GALNT11: variants seen among roughly 807,000 people sequenced by gnomAD.
The protein encoded by GALNT11 is UDP-GalNAc:polypeptide N-acetylgalactosaminyltransferase 11.
Under a neutral mutation model 72.7 loss-of-function variants are expected in GALNT11, and 47 were observed. The ratio of observed to expected loss-of-function variants is 0.65; its 90% CI spans 0.51 to 0.82. The LOEUF (loss-of-function observed/expected upper bound fraction) is 0.82. GALNT11 is among the 40% of genes least tolerant of loss of function. The pLI, the probability that GALNT11 is intolerant of heterozygous loss-of-function variation, is 0.00. For synonymous variants in GALNT11, 270 were observed against 286.6 expected, an observed-to-expected ratio of 0.94 and a Z score of 0.58; for missense variants, 677 against 778.4, an observed-to-expected ratio of 0.87 and a Z score of 1.55.
chr7:152,099,342 T>A lies in GALNT11; in HGVS notation c.296-1456T>A, dbSNP rs570591329. ...GTTCTACTATTTTTTAAAAATGGAC[T>A]TTTATTTATTTATTTATTTATTTAT... On this transcript the variant is annotated intron_variant, in intron 2 of 11. Transcript: ENST00000430044. Among the ~76,000 whole-genome samples, 18 of 143,638 alleles carry A rather than the reference T, an allele frequency of 1.3e-4. No homozygotes were observed. The East Asian group carries it at 2.4e-3, about 19-fold the overall frequency. 94.2% of individuals were successfully genotyped at this position (143,638 alleles called of 152,430 possible).
chr7:152,050,538 A>G (rs2083343270), intron 1 of GALNT11, among the ~76,000 whole-genome samples: 1 of 152,050 alleles, frequency 6.6e-6, no homozygotes, highest in South Asian at 2.1e-4. Context: ...CCTTTCCTCA[A>G]GTGGAAGGAA....
At chr7:152,091,539 C>A (rs2086041346) in intron 1 of GALNT11, among the ~76,000 whole-genome samples, 1 of 151,898 alleles carries the variant, frequency 6.6e-6, no homozygotes, top group African/African-American at 2.4e-5. Flanking sequence ...CGCGCCCGGC[C>A]CTAATTTTTT....
chr7:152,025,892 C>T lies in GALNT11; in HGVS notation c.-39+8C>T. ...TGGGCTGCGGGCAAGGCGGTGAGTA[C>T]CCTCTAGGCGGCGGCCTCCCGGCGT... On this transcript the variant is annotated splice_region_variant and intron_variant, in intron 1 of 11. Transcript: ENST00000430044. 2 of 249,644 alleles carry T rather than the reference C, an allele frequency of 8.0e-6. No homozygotes were observed. The highest frequency in any genetic ancestry group is 1.7e-5 in the Non-Finnish European group (2 of 116,284). The allele number at this position is 249,644 out of a possible 1,614,324, so 15.5% of individuals were successfully genotyped here.
chr7:152,034,492 G>T (rs895942638), intron 1 of GALNT11, among the ~76,000 whole-genome samples: 2 of 152,106 alleles, frequency 1.3e-5, no homozygotes, highest in African/African-American at 4.8e-5. Context: ...TCTTTTTCAG[G>T]GTTTGCGGGT....
intron 1 of GALNT11, among the ~76,000 whole-genome samples, chr7:152,065,716 T>C (rs1001330084): frequency 6.6e-6 from 1 of 152,212 alleles, no homozygotes; most frequent in Non-Finnish European, 1.5e-5. Context: ...CTCCAGACCC[T>C]GTTTGCCTGG....
rs371042719 is a variant in GALNT11 at position 152,055,576 on chromosome 7, C to CAT, written c.-39+29704_-39+29705dup. Among the ~76,000 whole-genome samples, 1,047 of 119,450 alleles carry CAT rather than the reference C, an allele frequency of 8.8e-3. 16 individuals carry two copies. The highest frequency in any genetic ancestry group is 0.027 in the African/African-American group (941 of 34,810). The allele number at this position is 119,450 out of a possible 152,430, so 78.4% of individuals were successfully genotyped here. A position where few individuals can be genotyped will look rare whatever the true frequency, so the allele number is the denominator to read the frequency against. The stretch of plus-strand genomic sequence containing the variant: ...GTGTGTGTGTGTGTGTGTATATATA[C>CAT]ATATATATATATACACACAAAGTAC... On this transcript the variant is annotated intron_variant, in intron 1 of 11. Coordinates refer to ENST00000430044, the MANE Select transcript of GALNT11 (RefSeq NM_022087.4).
chr7:152,093,336 T>C (rs1280831587), intron 1 of GALNT11, among the ~76,000 whole-genome samples: 1 of 152,230 alleles, frequency 6.6e-6, no homozygotes, highest in African/African-American at 2.4e-5. Context: ...TTGAACTCTT[T>C]ATTTGAAAAT....
chr7:152,071,032 G>C (rs1197694243), intron 1 of GALNT11, among the ~76,000 whole-genome samples: 1 of 150,994 alleles, frequency 6.6e-6, no homozygotes, highest in Admixed American at 6.6e-5. Flanking sequence ...CAAGGTAATA[G>C]AATATCACAA....
rs1374601853 is a variant in GALNT11, at chr7:152,117,226, C to T, written c.1303C>T (p.Leu435=). Reference sequence around the variant, plus strand: ...TGGCAATATCAGTGAGCGTGTGGAACTGAGAAAGAAGTTGGGCTGTAAATC... The same window carrying T: ...TGGCAATATCAGTGAGCGTGTGGAATTGAGAAAGAAGTTGGGCTGTAAATC... The part of the protein sequence containing the change: ...SYGNISERVE[L]RKKLGCKSFK... Residue 435 remains leucine (L), a synonymous_variant, in exon 9 of 12, where the codon CTG becomes TTG. Coordinates refer to ENST00000430044, the MANE Select transcript of GALNT11 (RefSeq NM_022087.4). The T allele has an allele frequency of 2.5e-6, 4 of 1,614,024 alleles. No individual in the cohort carries two copies. In the Admixed American group the frequency reaches 6.7e-5, roughly 27 times the overall value.
At chr7:152,057,773 A>G (rs1407206645) in intron 1 of GALNT11, among the ~76,000 whole-genome samples, 1 of 152,188 alleles carries the variant, frequency 6.6e-6, no homozygotes, top group Non-Finnish European at 1.5e-5. Flanking sequence ...AACATCTTAC[A>G]TTAATATGGT....
At chr7:152,053,142 C>T (rs1349637273) in intron 1 of GALNT11, among the ~76,000 whole-genome samples, 1 of 152,178 alleles carries the variant, frequency 6.6e-6, no homozygotes, top group Non-Finnish European at 1.5e-5. Flanking sequence ...AAATCATTTT[C>T]CACACAGCTG....
Position 152,025,896 on chromosome 7 carries a change from C to T in GALNT11, c.-39+12C>T. The T allele has an allele frequency of 4.1e-6, 1 of 246,030 alleles. No individual in the cohort carries two copies. Among genetic ancestry groups the T allele is most frequent in the Non-Finnish European group, 8.8e-6 (1 of 114,224 alleles). 15.2% of individuals were successfully genotyped at this position (246,030 alleles called of 1,614,324 possible). A position where few individuals can be genotyped will look rare whatever the true frequency, so the allele number is the denominator to read the frequency against. ...CTGCGGGCAAGGCGGTGAGTACCCT[C>T]TAGGCGGCGGCCTCCCGGCGTCCCT... On this transcript the variant is annotated intron_variant, in intron 1 of 11. Coordinates refer to ENST00000430044, the MANE Select transcript of GALNT11 (RefSeq NM_022087.4).
chr7:152,071,193 G>A (rs1316635193), intron 1 of GALNT11, among the ~76,000 whole-genome samples: 5 of 152,250 alleles, frequency 3.3e-5, no homozygotes, highest in Non-Finnish European at 5.9e-5. Flanking sequence ...TTATTAGGCA[G>A]GAATTTCCTC....
At chr7:152,110,873 G>A (rs1463335235) in intron 7 of GALNT11, among the ~76,000 whole-genome samples, 1 of 151,774 alleles carries the variant, frequency 6.6e-6, no homozygotes, top group East Asian at 1.9e-4. Context: ...TGGGACTACA[G>A]GCATGTGCCT....
chr7:152,084,523 G>C (rs1483660752), intron 1 of GALNT11, among the ~76,000 whole-genome samples: 1 of 151,646 alleles, frequency 6.6e-6, no homozygotes, highest in Non-Finnish European at 1.5e-5. Context: ...GGAAGACTTC[G>C]TACTTTTGTT....
Position 152,094,142 on chromosome 7 carries a change from G to C in GALNT11, c.-38-48G>C. 1 of 1,426,840 alleles carries C rather than the reference G, an allele frequency of 7.0e-7. No individual in the cohort carries two copies. The highest frequency in any genetic ancestry group is 2.3e-5 in the Admixed American group (1 of 43,512). The allele number at this position is 1,426,840 out of a possible 1,614,324, so 88.4% of individuals were successfully genotyped here. On this transcript the variant is annotated intron_variant, in intron 1 of 11. Coordinates refer to ENST00000430044, the MANE Select transcript of GALNT11 (RefSeq NM_022087.4). This position sits in a 1 kb window ranked among gnomAD's most constrained non-coding sequence, Gnocchi z 4.3. The stretch of plus-strand genomic sequence containing the variant: ...AACAGTGATTCTGTATTTGGTGGAT[G>C]GTTTAAAGTATACTGAAGTGTCTAA...
intron 1 of GALNT11, among the ~76,000 whole-genome samples, chr7:152,034,349 T>C (rs985967352): frequency 5.3e-5 from 8 of 152,182 alleles, no homozygotes; most frequent in African/African-American, 1.9e-4. Context: ...TTTCACTCCA[T>C]TTGCCTTCCC....
rs1587397175 is a variant in GALNT11, at chr7:152,105,102, CTT to C, written c.587-140_587-139del. 3.4e-6 allele frequency: 3 copies of C among 870,020 alleles called. No individual in the cohort carries two copies. In the South Asian group the frequency reaches 6.2e-5, roughly 18 times the overall value. 53.9% of individuals were successfully genotyped at this position (870,020 alleles called of 1,614,324 possible). On this transcript the variant is annotated intron_variant, in intron 4 of 11. Transcript: ENST00000430044. ...TTCCTACAGGATAAGCTACAATACT[CTT>C]TTAAAGTAAAATATTCTGTAGTATT...
chr7:152,068,898 C>T (rs1030612488), intron 1 of GALNT11, among the ~76,000 whole-genome samples: 1 of 151,510 alleles, frequency 6.6e-6, no homozygotes, highest in Non-Finnish European at 1.5e-5. Flanking sequence ...CTAGTAAGTT[C>T]ATGTCAGACA....
Sources: allele counts gnomAD v4.1 joint callset (sites outside exome capture counted in the v4.1 genomes callset), GRCh38; gene constraint gnomAD v4.1.1; non-coding constraint Gnocchi (gnomAD v3.1); transcripts MANE v1.5; gene names NCBI Gene and HGNC (gene_info 2026-07-23, HGNC 2026-07-21).